The following UBE2E2 variants were observed in gnomAD, a reference collection of about 807,000 sequenced individuals.
The protein encoded by UBE2E2 is ubiquitin conjugating enzyme E2 E2, also known as ubiquitin-conjugating enzyme E2 E2.
UBE2E2 carries 6 observed loss-of-function variants against 24.7 expected under a neutral mutation model. The observed-to-expected ratio is 0.24, with a 90% CI of 0.13 to 0.48. The LOEUF (loss-of-function observed/expected upper bound fraction) is 0.48. Among genes scored for constraint, UBE2E2 ranks in the 20% least tolerant of loss-of-function variants. UBE2E2 has a pLI of 0.99. For missense variants in UBE2E2, 169 were observed against 245.0 expected (o/e 0.69, Z 2.07); for synonymous variants, 104 against 83.6 (o/e 1.24, Z -1.33).
At chr3:23,565,154 A>G (rs1696038230) in intron 5 of UBE2E2, among the ~76,000 whole-genome samples, 1 of 152,092 alleles carries the variant, frequency 6.6e-6, no homozygotes, top group African/African-American at 2.4e-5. Context: ...GCTTCTCTTT[A>G]TGGTTCTCTT....
At chr3:23,362,277 G>A (rs892612153) in intron 3 of UBE2E2, among the ~76,000 whole-genome samples, 3 of 152,130 alleles carry the variant, frequency 2.0e-5, no homozygotes, top group African/African-American at 7.2e-5. Flanking sequence ...CCCAAACATG[G>A]GAAAGAATGA....
intron 3 of UBE2E2, among the ~76,000 whole-genome samples, chr3:23,364,765 C>A (rs940100758): frequency 1.3e-5 from 2 of 152,160 alleles, no homozygotes; most frequent in Non-Finnish European, 2.9e-5. Flanking sequence ...CTCTCTAATT[C>A]ATTCTGTGAG....
chr3:23,348,934 G>C lies in UBE2E2; in HGVS notation c.227+131622G>C, dbSNP rs75622117. Reference sequence around the variant, plus strand: ...CAAAGGGCAGTTTTTATAGGGTTCTGCACACTCCAGGGTAATGCAGAGAAA... The same window carrying C: ...CAAAGGGCAGTTTTTATAGGGTTCTCCACACTCCAGGGTAATGCAGAGAAA... On this transcript the variant is annotated intron_variant, in intron 3 of 5. Transcript: ENST00000396703. Among the ~76,000 whole-genome samples, 720 of 152,240 alleles carry C rather than the reference G, an allele frequency of 4.7e-3. 35 individuals are homozygous for C. The East Asian group carries it at 0.11, about 23-fold the overall frequency.
At chr3:23,364,965 G>T (rs190970458) in intron 3 of UBE2E2, among the ~76,000 whole-genome samples, 39 of 152,180 alleles carry the variant, frequency 2.6e-4, no homozygotes, top group African/African-American at 8.2e-4. Context: ...AGTTAGTTCA[G>T]CATACACAGA....
chr3:23,560,698 T>G (rs1461581488), intron 5 of UBE2E2, among the ~76,000 whole-genome samples: 1 of 152,020 alleles, frequency 6.6e-6, no homozygotes, highest in Non-Finnish European at 1.5e-5. Context: ...GTAAAAGCAT[T>G]CCTATTTCTT....
intron 3 of UBE2E2, among the ~76,000 whole-genome samples, chr3:23,442,120 T>C (rs1431245727): frequency 6.6e-6 from 1 of 152,158 alleles, no homozygotes; most frequent in Admixed American, 6.5e-5. Context: ...AGAACATATG[T>C]ATATTTTAAT....
chr3:23,352,234 G>C (rs1426971394), intron 3 of UBE2E2, among the ~76,000 whole-genome samples: 1 of 151,944 alleles, frequency 6.6e-6, no homozygotes, highest in Non-Finnish European at 1.5e-5. Flanking sequence ...ATTCAAAGCA[G>C]TGTGTAGAGG....
At chr3:23,514,848 T>C (rs1694693476) in intron 4 of UBE2E2, among the ~76,000 whole-genome samples, 1 of 152,120 alleles carries the variant, frequency 6.6e-6, no homozygotes, top group African/African-American at 2.4e-5. Context: ...AATAAAAGTA[T>C]ACTAATGAAA....
intron 3 of UBE2E2, among the ~76,000 whole-genome samples, chr3:23,267,320 A>G (rs1387234137): frequency 1.3e-5 from 2 of 152,124 alleles, no homozygotes; most frequent in African/African-American, 4.8e-5. Context: ...AGACTAATAA[A>G]GAAGAAAAGA....
chr3:23,365,221 G>T (rs1696222620), intron 3 of UBE2E2, among the ~76,000 whole-genome samples: 1 of 152,162 alleles, frequency 6.6e-6, no homozygotes, highest in Non-Finnish European at 1.5e-5. Context: ...AACAAGGCAA[G>T]GATGCCAACT....
chr3:23,487,139 C>T (rs928189496), intron 3 of UBE2E2, among the ~76,000 whole-genome samples: 2 of 152,228 alleles, frequency 1.3e-5, no homozygotes, highest in African/African-American at 4.8e-5. Context: ...GTGGTGGGGG[C>T]AGGGGGCTGG....
chr3:23,456,581 C>T (rs953980824), intron 3 of UBE2E2, among the ~76,000 whole-genome samples: 10 of 152,192 alleles, frequency 6.6e-5, no homozygotes, highest in African/African-American at 1.7e-4. Context: ...CAGAGCTCTT[C>T]GGTGACCAGG....
intron 3 of UBE2E2, among the ~76,000 whole-genome samples, chr3:23,358,304 A>G (rs1388072442): frequency 2.0e-5 from 3 of 152,250 alleles, no homozygotes; most frequent in African/African-American, 7.2e-5. Context: ...ACACAAACAT[A>G]CTGAACTTAG....
At chr3:23,389,002 CAAAA>C (rs34578427) in intron 3 of UBE2E2, among the ~76,000 whole-genome samples, 2 of 81,140 alleles carry the variant, frequency 2.5e-5, no homozygotes, top group Non-Finnish European at 5.4e-5. Context: ...ACTCCATTTC[CAAAA>C]AAAAAAAAAA....
intron 3 of UBE2E2, among the ~76,000 whole-genome samples, chr3:23,326,400 G>A (rs750170360): frequency 6.6e-6 from 1 of 152,084 alleles, no homozygotes; most frequent in South Asian, 2.1e-4. Context: ...GGAAGAGAAG[G>A]GTACCAATTA....
At chr3:23,417,459 G>A (rs574857279) in intron 3 of UBE2E2, among the ~76,000 whole-genome samples, 101 of 152,284 alleles carry the variant, frequency 6.6e-4, no homozygotes, top group African/African-American at 2.4e-3. Flanking sequence ...ATGCCAGCCA[G>A]AGCTCTTCTG....
At chr3:23,326,608 G>A (rs1694897183) in intron 3 of UBE2E2, among the ~76,000 whole-genome samples, 1 of 152,126 alleles carries the variant, frequency 6.6e-6, no homozygotes, top group Non-Finnish European at 1.5e-5. Context: ...AAAAGTATGA[G>A]GTTGTATGTA....
chr3:23,397,747 A>G (rs558933263), intron 3 of UBE2E2, among the ~76,000 whole-genome samples: 1 of 152,330 alleles, frequency 6.6e-6, no homozygotes, highest in East Asian at 1.9e-4. Context: ...ATTTATAACT[A>G]TAGCACATTT....
chr3:23,496,517 A>G (rs796328859), intron 3 of UBE2E2, among the ~76,000 whole-genome samples: 4 of 152,174 alleles, frequency 2.6e-5, no homozygotes, highest in African/African-American at 9.6e-5. Flanking sequence ...GCTTGTTTTT[A>G]AGCTTTGTAG....
Sources: gnomAD v4.1 joint callset for allele counts (sites outside exome capture counted in the v4.1 genomes callset) on GRCh38, gnomAD v4.1.1 for gene constraint, MANE v1.5 for transcripts, NCBI Gene and HGNC (gene_info 2026-07-23, HGNC 2026-07-21) for gene names.